The following ERC2 variants were observed in gnomAD, a reference collection of about 807,000 sequenced individuals.
The protein encoded by ERC2 is ELKS/RAB6-interacting/CAST family member 2.
In ERC2, 42 loss-of-function variants were observed where a neutral mutation model predicts 114.8. The observed-to-expected ratio is 0.37, with a 90% CI of 0.29 to 0.47. The LOEUF (loss-of-function observed/expected upper bound fraction) is 0.47, where lower values mean the gene tolerates loss of function less well. ERC2 is among the 20% of genes least tolerant of loss of function. The pLI, the probability that ERC2 is intolerant of heterozygous loss-of-function variation, is 0.99. For synonymous variants in ERC2, 454 were observed against 425.5 expected (o/e 1.07, Z -0.82); for missense variants, 939 against 1,150.7 (o/e 0.82, Z 2.66).
chr3:55,587,643 G>A (rs540727771), intron 17 of ERC2, among the ~76,000 whole-genome samples: 1 of 152,322 alleles, frequency 6.6e-6, no homozygotes, highest in East Asian at 1.9e-4. Context: ...ACTTACTGCA[G>A]AATTACTCTC....
chr3:56,174,305 T>C (rs190485283), intron 3 of ERC2, among the ~76,000 whole-genome samples: 100 of 152,322 alleles, frequency 6.6e-4, no homozygotes, highest in African/African-American at 2.3e-3. Context: ...GTTGAGACTT[T>C]GAAAAGTTGT....
chr3:56,172,586 T>A (rs2082734346), intron 4 of ERC2, among the ~76,000 whole-genome samples: 1 of 152,164 alleles, frequency 6.6e-6, no homozygotes, highest in African/African-American at 2.4e-5. Flanking sequence ...ACTCCCTGAG[T>A]TTTACACTTG....
intron 9 of ERC2, 117 bp downstream of exon 9, chr3:56,010,332 C>G (rs2072819114): frequency 1.6e-6 from 2 of 1,254,596 alleles, no homozygotes; most frequent in Non-Finnish European, 2.2e-6. Flanking sequence ...AGAAAGGTTA[C>G]TACATTCCCC....
At chr3:56,070,686 T>G (rs2076695165) in intron 7 of ERC2, among the ~76,000 whole-genome samples, 1 of 152,190 alleles carries the variant, frequency 6.6e-6, no homozygotes, top group South Asian at 2.1e-4. Context: ...GACTAGAACA[T>G]TTATAATATA....
chr3:56,237,236 C>T (rs909499302), intron 3 of ERC2, among the ~76,000 whole-genome samples: 1 of 150,392 alleles, frequency 6.6e-6, no homozygotes, highest in Non-Finnish European at 1.5e-5. Context: ...AGATCTCCAT[C>T]ATGCCACCAG....
At chr3:56,108,568 C>T (rs1029752457) in intron 6 of ERC2, among the ~76,000 whole-genome samples, 4 of 151,906 alleles carry the variant, frequency 2.6e-5, no homozygotes, top group East Asian at 1.9e-4. Flanking sequence ...TAGGAATAAA[C>T]TTAATAAGCA....
intron 15 of ERC2, among the ~76,000 whole-genome samples, chr3:55,705,201 C>T (rs2063419331): frequency 1.3e-5 from 2 of 152,158 alleles, no homozygotes; most frequent in Admixed American, 1.3e-4. Flanking sequence ...AACAGATCCC[C>T]TCCAGCTGAG....
intron 14 of ERC2, among the ~76,000 whole-genome samples, chr3:55,869,926 G>C (rs1342824470): frequency 6.6e-6 from 1 of 152,194 alleles, no homozygotes; most frequent in Non-Finnish European, 1.5e-5. Flanking sequence ...CTGCAGCATA[G>C]AGTGTATTGA....
intron 17 of ERC2, among the ~76,000 whole-genome samples, chr3:55,598,528 A>T (rs1254599450): frequency 6.6e-6 from 1 of 152,254 alleles, no homozygotes; most frequent in Non-Finnish European, 1.5e-5. Flanking sequence ...TGTCACTAGC[A>T]TTTCAGACAC....
chr3:55,812,506 G>C (rs920336431), intron 14 of ERC2, among the ~76,000 whole-genome samples: 1 of 152,160 alleles, frequency 6.6e-6, no homozygotes, highest in Non-Finnish European at 1.5e-5. Flanking sequence ...AGATACAATA[G>C]AGAATAAGAG....
chr3:55,704,511 G>A (rs1429974286), intron 15 of ERC2, among the ~76,000 whole-genome samples: 2 of 152,182 alleles, frequency 1.3e-5, no homozygotes, highest in Admixed American at 1.3e-4. Context: ...CAAACGTTCA[G>A]GAACTCTTCT....
At chr3:55,574,646 A>T (rs2056883396) in intron 17 of ERC2, among the ~76,000 whole-genome samples, 1 of 152,112 alleles carries the variant, frequency 6.6e-6, no homozygotes, top group Non-Finnish European at 1.5e-5. Flanking sequence ...TGAGGACAAG[A>T]GTCTTGTAGA....
chr3:56,369,084 G>A, intron 2 of ERC2, among the ~76,000 whole-genome samples: 1 of 152,148 alleles, frequency 6.6e-6, no homozygotes, highest in Middle Eastern at 3.2e-3. Flanking sequence ...CAAGGCAGCG[G>A]GCCAAGAACC....
At chr3:55,566,426 T>C (rs1459943710) in intron 17 of ERC2, among the ~76,000 whole-genome samples, 1 of 151,778 alleles carries the variant, frequency 6.6e-6, no homozygotes, top group African/African-American at 2.4e-5. Flanking sequence ...TATTTATTTA[T>C]TTATTTATTT....
At chr3:55,513,764 G>A (rs112828699) in intron 17 of ERC2, among the ~76,000 whole-genome samples, 4 of 152,222 alleles carry the variant, frequency 2.6e-5, no homozygotes, top group African/African-American at 9.6e-5. Flanking sequence ...CCCTCAAGGA[G>A]CTAGGACTAC....
Position 56,315,106 on chromosome 3 carries a change from C to G in ERC2, c.658-18671G>C, listed in dbSNP as rs79407696. ...CATTCCTTACTCCAGCGGCTCCAAG[C>G]CTTTAGGAGTTGGAGCACATGACAC... is the stretch of plus-strand genomic sequence containing the variant. On this transcript the variant is annotated intron_variant, in intron 2 of 17. Transcript: ENST00000288221. 9.0e-3 allele frequency among the ~76,000 whole-genome samples: 1,378 copies of G among 152,286 alleles called. 19 individuals are homozygous for G. The highest frequency in any genetic ancestry group is 0.03 in the African/African-American group (1,256 of 41,544).
At chr3:55,668,223 T>C (rs1460754432) in intron 17 of ERC2, among the ~76,000 whole-genome samples, 2 of 152,204 alleles carry the variant, frequency 1.3e-5, no homozygotes, top group African/African-American at 4.8e-5. Context: ...TTTAAGGAGC[T>C]GGGTCTGAAT....
At chr3:55,918,758 G>C (rs1274144105) in intron 13 of ERC2, among the ~76,000 whole-genome samples, 2 of 150,970 alleles carry the variant, frequency 1.3e-5, no homozygotes, top group Non-Finnish European at 2.9e-5. Flanking sequence ...CCAACAACCA[G>C]ATATGTAAGT....
chr3:56,353,325 T>A (rs746130440), intron 2 of ERC2, among the ~76,000 whole-genome samples: 3 of 152,036 alleles, frequency 2.0e-5, no homozygotes, highest in Non-Finnish European at 4.4e-5. Context: ...CATTCTGATC[T>A]CATAGCACTT....
Sources: gnomAD v4.1 joint callset for allele counts (sites outside exome capture counted in the v4.1 genomes callset) on GRCh38, gnomAD v4.1.1 for gene constraint, MANE v1.5 for transcripts, NCBI Gene and HGNC (gene_info 2026-07-23, HGNC 2026-07-21) for gene names.